The following SDK1 variants were observed in gnomAD, a reference collection of about 807,000 sequenced individuals.
The protein encoded by SDK1 is protein sidekick-1.
A neutral mutation model predicts 245.5 loss-of-function variants in SDK1; 157 were observed. The ratio of observed to expected loss-of-function variants is 0.64; its 90% CI spans 0.56 to 0.73. The LOEUF (loss-of-function observed/expected upper bound fraction) is 0.73. SDK1 is among the 30% of genes least tolerant of loss of function. The pLI, the probability that SDK1 is intolerant of heterozygous loss-of-function variation, is 0.00. For synonymous variants in SDK1, 1,647 were observed against 1,278.5 expected (o/e 1.29, Z -6.15); for missense variants, 3,583 against 3,002.3 (o/e 1.19, Z -4.52).
At chr7:3,480,755 A>AG (rs1195046192) in intron 1 of SDK1, among the ~76,000 whole-genome samples, 1 of 152,228 alleles carries the variant, frequency 6.6e-6, no homozygotes, top group African/African-American at 2.4e-5. Context: ...TTACGTTGAC[A>AG]GGGGCTATGA....
intron 8 of SDK1, among the ~76,000 whole-genome samples, chr7:3,962,301 T>A (rs1781763810): frequency 6.6e-6 from 1 of 152,330 alleles, no homozygotes; most frequent in East Asian, 1.9e-4. Flanking sequence ...CCGCGGTGGC[T>A]GAGTAGGGCA....
chr7:3,659,033 C>T (rs965788607), intron 4 of SDK1, among the ~76,000 whole-genome samples: 8 of 152,294 alleles, frequency 5.3e-5, no homozygotes, highest in Middle Eastern at 6.8e-3. Flanking sequence ...ATCTACTTCT[C>T]GTCTATATGA....
In SDK1 at chr7:3,572,521, AAG is replaced by A. The variant is rs570669650; in HGVS notation, c.299-46556_299-46555del. Among the ~76,000 whole-genome samples, 34 of 152,056 alleles carry A rather than the reference AAG, an allele frequency of 2.2e-4. 1 individual carries two copies. The highest frequency in any genetic ancestry group is 5.9e-4 in the Admixed American group (9 of 15,256). On this transcript the variant is annotated intron_variant, in intron 1 of 44. Transcript: ENST00000404826. ...GAGGAGATAGCTGGCGTGTGCGAGA[AAG>A]AGCAAAGATTAAGTGAGCCCAACAT...
chr7:3,357,333 T>TTTTTTTTTTTG (rs1780829372), intron 1 of SDK1, among the ~76,000 whole-genome samples: 4 of 14,366 alleles, frequency 2.8e-4, no homozygotes, highest in South Asian at 6.1e-3. Context: ...TTAGTGTTTT[T>TTTTTTTTTTTG]TTTTTTTTTT....
At chr7:3,508,095 G>C (rs146354323) in intron 1 of SDK1, among the ~76,000 whole-genome samples, 1 of 152,178 alleles carries the variant, frequency 6.6e-6, no homozygotes, top group African/African-American at 2.4e-5. Context: ...AACTGCTACT[G>C]ATAGTCAGGG....
At chr7:3,515,423 C>CT (rs1343325096) in intron 1 of SDK1, among the ~76,000 whole-genome samples, 1 of 152,156 alleles carries the variant, frequency 6.6e-6, no homozygotes, top group Non-Finnish European at 1.5e-5. Flanking sequence ...TTAGTAATTA[C>CT]TTTAATGACA....
chr7:3,968,772 A>G (rs1167421101), intron 10 of SDK1, among the ~76,000 whole-genome samples: 2 of 152,158 alleles, frequency 1.3e-5, no homozygotes, highest in Non-Finnish European at 2.9e-5. Context: ...TTCTTTTCCT[A>G]CAATTTTCAC....
intron 5 of SDK1, among the ~76,000 whole-genome samples, chr7:3,888,654 A>C (rs937022688): frequency 6.6e-6 from 1 of 152,238 alleles, no homozygotes; most frequent in Admixed American, 6.5e-5. Context: ...ATAGGATCTT[A>C]TAATTTAGTA....
intron 1 of SDK1, among the ~76,000 whole-genome samples, chr7:3,613,563 A>G (rs973877025): frequency 2.6e-5 from 4 of 152,172 alleles, no homozygotes; most frequent in Non-Finnish European, 5.9e-5. Flanking sequence ...TAGTTCAGCC[A>G]TTGTGGAAGA....
At chr7:4,091,811 C>T (rs547123743) in intron 22 of SDK1, among the ~76,000 whole-genome samples, 1 of 152,268 alleles carries the variant, frequency 6.6e-6, no homozygotes, top group South Asian at 2.1e-4. Context: ...ACCTTTACAG[C>T]TCCGTCCAGG....
intron 2 of SDK1, among the ~76,000 whole-genome samples, chr7:3,631,946 T>C (rs1191563843): frequency 6.6e-6 from 1 of 152,226 alleles, no homozygotes; most frequent in African/African-American, 2.4e-5. Context: ...TAGGTCTTTT[T>C]TCCATTATGC....
chr7:3,802,101 C>A (rs992806396), intron 4 of SDK1, among the ~76,000 whole-genome samples: 2 of 152,084 alleles, frequency 1.3e-5, no homozygotes, highest in South Asian at 4.1e-4. Context: ...TTCCATGTAC[C>A]CTTCACCCAA....
chr7:4,171,189 C>T (rs149280448), intron 32 of SDK1, among the ~76,000 whole-genome samples: 24 of 152,296 alleles, frequency 1.6e-4, no homozygotes, highest in African/African-American at 5.3e-4. Context: ...GGGGTGGCCA[C>T]GTGCCCCAGG....
At chr7:3,584,788 A>G (rs1220163353) in intron 1 of SDK1, among the ~76,000 whole-genome samples, 5 of 150,344 alleles carry the variant, frequency 3.3e-5, no homozygotes, top group Non-Finnish European at 7.4e-5. Context: ...CAGTGGCGCG[A>G]TCTGGGCTCA....
intron 5 of SDK1, among the ~76,000 whole-genome samples, chr7:3,897,778 G>A (rs1781652009): frequency 6.6e-6 from 1 of 152,082 alleles, no homozygotes; most frequent in South Asian, 2.1e-4. Flanking sequence ...ATAATGGGAA[G>A]AAGATGAAAT....
chr7:3,686,408 G>A (rs1380367409), intron 4 of SDK1, among the ~76,000 whole-genome samples: 4 of 152,152 alleles, frequency 2.6e-5, no homozygotes, highest in Middle Eastern at 3.2e-3. Flanking sequence ...AAATGCAGGA[G>A]CGTCTGTATT....
chr7:4,078,687 G>C (rs1276075803), intron 21 of SDK1, among the ~76,000 whole-genome samples: 1 of 152,096 alleles, frequency 6.6e-6, no homozygotes. Context: ...TAACACGAAA[G>C]CTCTCGTTTT....
At chr7:3,797,407 T>C (rs1257261601) in intron 4 of SDK1, among the ~76,000 whole-genome samples, 1 of 152,080 alleles carries the variant, frequency 6.6e-6, no homozygotes, top group South Asian at 2.1e-4. Context: ...TATTTTTCTG[T>C]ATAGTCATTT....
intron 41 of SDK1, 61 bp from the exon 42 acceptor site, chr7:4,237,586 G>C: frequency 6.2e-7 from 1 of 1,601,194 alleles, no homozygotes; most frequent in Non-Finnish European, 8.6e-7. Flanking sequence ...CTGACTCGCG[G>C]GAGGTGACTG....
Sources: allele counts gnomAD v4.1 joint callset (sites outside exome capture counted in the v4.1 genomes callset), GRCh38; gene constraint gnomAD v4.1.1; transcripts MANE v1.5; gene names NCBI Gene and HGNC (gene_info 2026-07-23, HGNC 2026-07-21).